The following EXT1 variants were observed in gnomAD, a reference collection of about 807,000 sequenced individuals.
The protein encoded by EXT1 is exostosin glycosyltransferase 1.
In EXT1, 20 loss-of-function variants were observed where a neutral mutation model predicts 82.5. The observed-to-expected ratio is 0.24, with a 90% CI of 0.17 to 0.35. The LOEUF is 0.35. Among genes scored for constraint, EXT1 ranks in the 10% least tolerant of loss-of-function variants. EXT1 has a pLI of 1.00. For synonymous variants in EXT1, 348 were observed against 350.8 expected (o/e 0.99, Z 0.09); for missense variants, 757 against 936.5 (o/e 0.81, Z 2.50).
At chr8:117,937,352 T>A (rs534950052) in intron 1 of EXT1, among the ~76,000 whole-genome samples, 1 of 152,174 alleles carries the variant, frequency 6.6e-6, no homozygotes, top group Admixed American at 6.5e-5. Context: ...GAGGACACAA[T>A]CCATAAAAAT....
At position 117,830,205 on chromosome 8, in the gene EXT1, C is replaced by T. The variant is rs375754024; in HGVS notation, c.1284+25G>A. ...GTGTATAAAGGACCATTATTCAAGC[C>T]CAAGAGCCAAGTGGTCTCACTTACC... On this transcript the variant is annotated intron_variant, in intron 4 of 10. Transcript: ENST00000378204. The T allele has an allele frequency of 6.6e-5, 107 of 1,613,570 alleles. 1 individual carries two copies. The Middle Eastern group carries it at 1.5e-3, about 22-fold the overall frequency.
intron 1 of EXT1, among the ~76,000 whole-genome samples, chr8:117,958,458 C>T (rs1273341754): frequency 2.0e-5 from 3 of 152,132 alleles, no homozygotes; most frequent in Non-Finnish European, 2.9e-5. Context: ...CCCTCCAACA[C>T]CAAAAACAAT....
intron 1 of EXT1, among the ~76,000 whole-genome samples, chr8:117,973,674 T>C (rs764430602): frequency 4.0e-5 from 6 of 151,626 alleles, no homozygotes; most frequent in Non-Finnish European, 5.9e-5. Flanking sequence ...AGACTGAGCA[T>C]GGAAGATTGC....
intron 1 of EXT1, among the ~76,000 whole-genome samples, chr8:117,970,833 G>C (rs1810459758): frequency 6.6e-6 from 1 of 152,226 alleles, no homozygotes; most frequent in Admixed American, 6.5e-5. Context: ...GAGTGCAGCA[G>C]TTCTAATGCT....
intron 1 of EXT1, among the ~76,000 whole-genome samples, chr8:117,858,145 G>T (rs980396050): frequency 2.0e-5 from 3 of 152,178 alleles, no homozygotes; most frequent in Admixed American, 6.6e-5. Flanking sequence ...AAGATGCTTT[G>T]AACATTGTTG....
chr8:117,951,260 C>T (rs1421195678), intron 1 of EXT1, among the ~76,000 whole-genome samples: 1 of 152,096 alleles, frequency 6.6e-6, no homozygotes. Context: ...TGTATATTTC[C>T]CTACCTAAAT....
rs568362727 is a variant in EXT1 at position 117,905,755 on chromosome 8, T to A, written c.963-68554A>T. ...TGAACCCGGGAGGCGGAGCTTGCAG[T>A]GAGCCGAGATCGCGCCACTGCAGTC... On this transcript the variant is annotated intron_variant, in intron 1 of 10. Coordinates refer to ENST00000378204, the MANE Select transcript of EXT1 (RefSeq NM_000127.3). 3.7e-4 allele frequency among the ~76,000 whole-genome samples: 57 copies of A among 152,286 alleles called. 1 individual carries two copies. Among genetic ancestry groups the A allele is most frequent in the African/African-American group, 1.3e-3 (52 of 41,562 alleles).
chr8:117,902,533 T>C (rs1813468973), intron 1 of EXT1, among the ~76,000 whole-genome samples: 1 of 152,184 alleles, frequency 6.6e-6, no homozygotes, highest in Non-Finnish European at 1.5e-5. Context: ...TAAGATCTTA[T>C]AAGCCCAGCA....
intron 1 of EXT1, among the ~76,000 whole-genome samples, chr8:118,091,616 G>T (rs1817525609): frequency 1.3e-5 from 2 of 152,182 alleles, no homozygotes; most frequent in African/African-American, 4.8e-5. Context: ...ATGGTGGCGG[G>T]CACCTGTAGT....
rs375783770 is a variant in EXT1, at chr8:118,000,146, T to C, written c.962+109939A>G. 9.9e-5 allele frequency among the ~76,000 whole-genome samples: 15 copies of C among 152,252 alleles called. 1 individual carries two copies. The South Asian group carries it at 2.9e-3, about 29-fold the overall frequency. On this transcript the variant is annotated intron_variant, in intron 1 of 10. Transcript: ENST00000378204. ...CAAATGTGATCCTGTTCCTCCTTTA[T>C]CCAAAGCTAAGTTATACTTTTCAAA... is the stretch of plus-strand genomic sequence containing the variant.
chr8:117,864,611 T>C (rs1002761682), intron 1 of EXT1, among the ~76,000 whole-genome samples: 6 of 151,900 alleles, frequency 3.9e-5, no homozygotes, highest in African/African-American at 1.2e-4. Context: ...TAGCGGGGCA[T>C]GGTGGGGTGT....
chr8:117,852,062 A>C (rs184500137), intron 1 of EXT1, among the ~76,000 whole-genome samples: 9 of 152,354 alleles, frequency 5.9e-5, no homozygotes, highest in Admixed American at 5.9e-4. Flanking sequence ...TTGCTCTTCC[A>C]AAAATCCTAT....
chr8:117,903,292 AG>A (rs1196928763), intron 1 of EXT1, among the ~76,000 whole-genome samples: 1 of 152,254 alleles, frequency 6.6e-6, no homozygotes, highest in African/African-American at 2.4e-5. Context: ...AAGAACAGGG[AG>A]AGAGGAGGAG....
At chr8:117,917,802 G>A (rs1489657658) in intron 1 of EXT1, among the ~76,000 whole-genome samples, 2 of 152,148 alleles carry the variant, frequency 1.3e-5, no homozygotes, top group African/African-American at 4.8e-5. Context: ...GGGTGGCGCT[G>A]TTAGTCCACA....
intron 3 of EXT1, among the ~76,000 whole-genome samples, chr8:117,833,153 C>G (rs530217851): frequency 2.0e-5 from 3 of 152,276 alleles, no homozygotes; most frequent in East Asian, 3.9e-4. Flanking sequence ...TGATAGTACA[C>G]AGTTGCTGCT....
chr8:117,930,113 A>AAATAAAT (rs1178666197), intron 1 of EXT1, among the ~76,000 whole-genome samples: 18 of 152,238 alleles, frequency 1.2e-4, no homozygotes, highest in Non-Finnish European at 2.4e-4. Context: ...CAAAAAAAAA[A>AAATAAAT]AAATAAAGAC....
At chr8:117,875,846 A>G (rs1472816751) in intron 1 of EXT1, among the ~76,000 whole-genome samples, 1 of 152,166 alleles carries the variant, frequency 6.6e-6, no homozygotes, top group Non-Finnish European at 1.5e-5. Context: ...CCATGCAAGC[A>G]GTGGGCAGTG....
At chr8:117,944,431 C>G (rs980867587) in intron 1 of EXT1, among the ~76,000 whole-genome samples, 28 of 152,120 alleles carry the variant, frequency 1.8e-4, no homozygotes, top group African/African-American at 6.5e-4. Context: ...GTTAATGCCC[C>G]AAAGGCAGCA....
At chr8:118,038,646 C>A (rs1482903091) in intron 1 of EXT1, among the ~76,000 whole-genome samples, 1 of 152,244 alleles carries the variant, frequency 6.6e-6, no homozygotes, top group African/African-American at 2.4e-5. Context: ...CTGTGTTTAT[C>A]TTGTCTCCTT....
Sources: allele counts gnomAD v4.1 joint callset (sites outside exome capture counted in the v4.1 genomes callset), GRCh38; gene constraint gnomAD v4.1.1; transcripts MANE v1.5; gene names NCBI Gene and HGNC (gene_info 2026-07-23, HGNC 2026-07-21).